Variants in DLGAP2 observed in about 807,000 individuals in gnomAD.
DLGAP2 encodes the protein disks large-associated protein 2.
Under a neutral mutation model 100.3 loss-of-function variants are expected in DLGAP2, and 26 were observed. The observed-to-expected ratio is 0.26, with a 90% CI of 0.19 to 0.36. The LOEUF (loss-of-function observed/expected upper bound fraction) is 0.36. Ranked by LOEUF, DLGAP2 falls within the 10% of genes least tolerant of loss-of-function variation. The pLI is 1.00. For synonymous variants in DLGAP2, 886 were observed against 630.1 expected (o/e 1.41, Z -6.08); for missense variants, 1,858 against 1,453.2 (o/e 1.28, Z -4.53).
chr8:1,426,013 G>A (rs532956420), intron 3 of DLGAP2, among the ~76,000 whole-genome samples: 52 of 152,348 alleles, frequency 3.4e-4, no homozygotes, highest in African/African-American at 1.2e-3. Context: ...AGGTGAATGC[G>A]TGGGTGTGGG....
At chr8:1,236,191 T>TCGTGTCTAGTTCTCTCACACAGAGCAG (rs2116845701) in intron 2 of DLGAP2, among the ~76,000 whole-genome samples, 1 of 91,762 alleles carries the variant, frequency 1.1e-5, no homozygotes, top group East Asian at 3.0e-4. Flanking sequence ...ACACAGAGCA[T>TCGTGTCTAGTTCTCTCACACAGAGCAG]CGTGTCTAGT....
chr8:1,495,118 C>T (rs987898841), intron 3 of DLGAP2, among the ~76,000 whole-genome samples: 1 of 152,230 alleles, frequency 6.6e-6, no homozygotes, highest in Non-Finnish European at 1.5e-5. Context: ...CCTCCCTTCC[C>T]TGCCAAGATC....
Position 1,549,524 on chromosome 8 carries a change from G to T in DLGAP2, c.1071G>T (p.Leu357Phe), listed in dbSNP as rs1249728212. 2 of 1,613,330 alleles carry T rather than the reference G, an allele frequency of 1.2e-6. No homozygotes were observed. Among genetic ancestry groups the T allele is most frequent in the Non-Finnish European group, 1.7e-6 (2 of 1,179,866 alleles). ...NDVKCSACEGLALTPDAKYLK... is the reference protein window; with the variant it reads ...NDVKCSACEGFALTPDAKYLK... ...TCAAGTGCTCGGCCTGTGAGGGGTTGGCGCTGACGCCCGACGCCAAGTACC... is the reference window on the plus strand; with the variant it reads ...TCAAGTGCTCGGCCTGTGAGGGGTTTGCGCTGACGCCCGACGCCAAGTACC... Residue 357 changes from leucine (L) to phenylalanine (F), a missense_variant, in exon 5 of 15, where the codon TTG becomes TTT. Transcript: ENST00000637795.
At chr8:1,188,469 C>G (rs1336982737) in intron 2 of DLGAP2, among the ~76,000 whole-genome samples, 1 of 136,416 alleles carries the variant, frequency 7.3e-6, no homozygotes, top group Non-Finnish European at 1.5e-5. Flanking sequence ...ATCTCGCACG[C>G]CCGGGACTTC....
chr8:1,232,006 C>T (rs889769547), intron 2 of DLGAP2, among the ~76,000 whole-genome samples: 4 of 152,098 alleles, frequency 2.6e-5, no homozygotes, highest in African/African-American at 4.8e-5. Flanking sequence ...TAATAAATGC[C>T]AGTAGCCAAA....
intron 3 of DLGAP2, among the ~76,000 whole-genome samples, 167 bp downstream of exon 3, chr8:1,259,050 A>C (rs1799288629): frequency 6.6e-6 from 1 of 152,258 alleles, no homozygotes. Flanking sequence ...AGCAAAGTGC[A>C]AGGTGAGCGT....
intron 2 of DLGAP2, among the ~76,000 whole-genome samples, chr8:1,137,137 C>T (rs755266166): frequency 6.6e-6 from 1 of 152,158 alleles, no homozygotes; most frequent in African/African-American, 2.4e-5. Context: ...CAGCTTGCAG[C>T]GTGGCCTCCT....
intron 8 of DLGAP2, among the ~76,000 whole-genome samples, chr8:1,663,120 T>C (rs1798453691): frequency 1.3e-5 from 1 of 77,200 alleles, no homozygotes; most frequent in African/African-American, 5.3e-5. Flanking sequence ...GTGTACACAG[T>C]GTGGGGGGTG....
chr8:1,052,867 A>G (rs1041699449), intron 2 of DLGAP2, among the ~76,000 whole-genome samples: 3 of 152,212 alleles, frequency 2.0e-5, no homozygotes, highest in Admixed American at 6.5e-5. Context: ...ACTGGCTGCA[A>G]TCCATACCTG....
At chr8:912,800 G>C (rs1050653870) in intron 2 of DLGAP2, among the ~76,000 whole-genome samples, 4 of 150,742 alleles carry the variant, frequency 2.7e-5, no homozygotes, top group African/African-American at 9.8e-5. Flanking sequence ...CCTCTCTGTG[G>C]AGCCGGCTTC....
chr8:994,064 T>C (rs1800713673), intron 2 of DLGAP2, among the ~76,000 whole-genome samples: 1 of 152,184 alleles, frequency 6.6e-6, no homozygotes, highest in Non-Finnish European at 1.5e-5. Context: ...TAGACAGTAC[T>C]ATGGTGGTTT....
At chr8:779,118 C>T (rs180752034) in intron 1 of DLGAP2, among the ~76,000 whole-genome samples, 2 of 152,270 alleles carry the variant, frequency 1.3e-5, no homozygotes, top group African/African-American at 4.8e-5. Flanking sequence ...TGCCGTCCGT[C>T]ACCCCTTTCT....
In DLGAP2 at chr8:1,446,097, T is replaced by C. The variant is rs557301695; in HGVS notation, c.107-55269T>C. 3.3e-5 allele frequency among the ~76,000 whole-genome samples: 5 copies of C among 152,114 alleles called. 2 individuals are homozygous for C. In the South Asian group the frequency reaches 1.0e-3, roughly 32 times the overall value. On this transcript the variant is annotated intron_variant, in intron 3 of 14. Transcript: ENST00000637795. ...CTGTGCAGAAGCTCTTGAGTTTAATTAGATCCCATTTGTCAATTTTGGCTT... is the reference window on the plus strand; with the variant it reads ...CTGTGCAGAAGCTCTTGAGTTTAATCAGATCCCATTTGTCAATTTTGGCTT...
chr8:1,231,529 C>T (rs566769145), intron 2 of DLGAP2, among the ~76,000 whole-genome samples: 7 of 152,294 alleles, frequency 4.6e-5, no homozygotes, highest in African/African-American at 1.7e-4. Context: ...AAGACACATG[C>T]ACTCACCTAT....
intron 3 of DLGAP2, among the ~76,000 whole-genome samples, chr8:1,270,237 C>T (rs1037908247): frequency 1.3e-5 from 2 of 152,102 alleles, no homozygotes; most frequent in South Asian, 2.1e-4. Context: ...GAGCTGTGAA[C>T]CGTATACACA....
chr8:1,350,941 G>A (rs1299649366), intron 3 of DLGAP2, among the ~76,000 whole-genome samples: 7 of 137,924 alleles, frequency 5.1e-5, no homozygotes, highest in East Asian at 2.2e-4. Flanking sequence ...GGCCGTGCGG[G>A]TCCTGAGTGT....
rs554101907 is a variant in DLGAP2 at position 1,098,035 on chromosome 8, A to G, written c.74-160816A>G. On this transcript the variant is annotated intron_variant, in intron 2 of 14. Coordinates refer to ENST00000637795, the MANE Select transcript of DLGAP2 (RefSeq NM_001346810.2). ...CGACATTTCTGCCTCTTCTCTTACT[A>G]CGTTGACTGGTTTTGATCTGAAGAG... 2.2e-4 allele frequency among the ~76,000 whole-genome samples: 34 copies of G among 152,360 alleles called. No homozygotes were observed. The South Asian group carries it at 6.8e-3, about 31-fold the overall frequency.
At chr8:1,389,526 G>A (rs1206246999) in intron 3 of DLGAP2, among the ~76,000 whole-genome samples, 2 of 152,166 alleles carry the variant, frequency 1.3e-5, no homozygotes. Context: ...GTGTGGACGA[G>A]GCCGCTCGGT....
chr8:1,697,621 G>C (rs558838652), intron 14 of DLGAP2, among the ~76,000 whole-genome samples: 16 of 152,280 alleles, frequency 1.1e-4, no homozygotes, highest in South Asian at 4.1e-4. Flanking sequence ...TTCCTGACAG[G>C]GGTCTCACCT....
Sources: allele counts gnomAD v4.1 joint callset (sites outside exome capture counted in the v4.1 genomes callset), GRCh38; gene constraint gnomAD v4.1.1; transcripts MANE v1.5; gene names NCBI Gene and HGNC (gene_info 2026-07-23, HGNC 2026-07-21).